QTMAN: variants seen among roughly 807,000 people sequenced by gnomAD.
QTMAN encodes the protein queuosine-tRNA mannosyltransferase.
chr2:144,165,189 A>AT, the QTMAN span, among the ~76,000 whole-genome samples: 1 of 151,894 alleles, frequency 6.6e-6, no homozygotes, highest in Non-Finnish European at 1.5e-5. Flanking sequence ...GGCCAACATG[A>AT]TGAAACACTA....
chr2:144,252,024 T>A, the QTMAN span, among the ~76,000 whole-genome samples: 1 of 151,546 alleles, frequency 6.6e-6, no homozygotes, highest in Non-Finnish European at 1.5e-5. Context: ...AGTGAGAACC[T>A]GCCTCTATGT....
chr2:144,314,443 T>A, the QTMAN span, among the ~76,000 whole-genome samples: 1 of 152,208 alleles, frequency 6.6e-6, no homozygotes, highest in African/African-American at 2.4e-5. Context: ...CCAGACGCAG[T>A]GGCTGAAGCC....
chr2:143,964,002 T>C, the QTMAN span: 4 of 152,126 alleles, frequency 2.6e-5, no homozygotes, highest in Non-Finnish European at 1.5e-5. Context: ...CTAATATGCG[T>C]CATTTCCTCA....
the QTMAN span, among the ~76,000 whole-genome samples, chr2:144,322,575 ATGT>A: frequency 6.6e-6 from 1 of 152,170 alleles, no homozygotes; most frequent in South Asian, 2.1e-4. Context: ...CTGTTGTGCT[ATGT>A]TGTTTTGATT....
chr2:144,104,976 T>G, the QTMAN span, among the ~76,000 whole-genome samples: 1 of 152,214 alleles, frequency 6.6e-6, no homozygotes, highest in African/African-American at 2.4e-5. Context: ...CAGCCTCCAC[T>G]GCTGATACCA....
chr2:144,150,023 TA>T, the QTMAN span, among the ~76,000 whole-genome samples: 2 of 152,024 alleles, frequency 1.3e-5, no homozygotes, highest in Non-Finnish European at 2.9e-5. Context: ...TACATTTTAG[TA>T]ATGATTCTTC....
the QTMAN span, among the ~76,000 whole-genome samples, chr2:144,004,813 C>CATTT: frequency 6.6e-6 from 1 of 151,986 alleles, no homozygotes; most frequent in Admixed American, 6.6e-5. Context: ...TATTGCCAGT[C>CATTT]ATTTATCTGT....
At chr2:144,033,969 G>A in the QTMAN span, among the ~76,000 whole-genome samples, 5 of 152,312 alleles carry the variant, frequency 3.3e-5, no homozygotes, top group South Asian at 1.0e-3. Flanking sequence ...TGGGATGAGT[G>A]GATGCAGCAA....
At chr2:143,947,400 G>T in the QTMAN span, among the ~76,000 whole-genome samples, 1 of 151,882 alleles carries the variant, frequency 6.6e-6, no homozygotes, top group Non-Finnish European at 1.5e-5. Context: ...CATATTTCTT[G>T]GTTTATGTTA....
chr2:144,167,692 T>A, the QTMAN span, among the ~76,000 whole-genome samples: 2 of 152,104 alleles, frequency 1.3e-5, no homozygotes, highest in Non-Finnish European at 2.9e-5. Context: ...AATTGTAAGT[T>A]TCCTGAGGTC....
the QTMAN span, among the ~76,000 whole-genome samples, chr2:144,174,196 G>A: frequency 1.3e-5 from 2 of 152,036 alleles, no homozygotes; most frequent in Non-Finnish European, 2.9e-5. Context: ...TTCTCTCTTG[G>A]AGCAGCTTTC....
the QTMAN span, among the ~76,000 whole-genome samples, chr2:144,025,096 G>A: frequency 1.3e-5 from 2 of 152,174 alleles, no homozygotes; most frequent in Admixed American, 1.3e-4. Flanking sequence ...AAACAGAGGT[G>A]CTAGGCACAC....
At chr2:144,208,721 G>A in the QTMAN span, 1 of 1,613,842 alleles carries the variant, frequency 6.2e-7, no homozygotes, top group Non-Finnish European at 8.5e-7. Flanking sequence ...TCTTCTTGAA[G>A]AAGATCCACC....
the QTMAN span, among the ~76,000 whole-genome samples, chr2:144,024,240 G>A: frequency 3.3e-5 from 5 of 152,210 alleles, no homozygotes; most frequent in Admixed American, 6.5e-5. Context: ...TATAGGACTC[G>A]AATTAAAACA....
At chr2:144,187,607 G>T in the QTMAN span, among the ~76,000 whole-genome samples, 3 of 152,106 alleles carry the variant, frequency 2.0e-5, no homozygotes, top group Non-Finnish European at 4.4e-5. Context: ...ATCTTACAGC[G>T]TCTTCTGGTT....
the QTMAN span, among the ~76,000 whole-genome samples, chr2:144,067,114 A>G: frequency 6.6e-6 from 1 of 152,164 alleles, no homozygotes; most frequent in South Asian, 2.1e-4. Flanking sequence ...ATGTCTCACA[A>G]CCTCTTGATG....
the QTMAN span, among the ~76,000 whole-genome samples, chr2:144,054,818 T>C: frequency 6.6e-6 from 1 of 152,204 alleles, no homozygotes; most frequent in Non-Finnish European, 1.5e-5. Flanking sequence ...AATGCCTTTC[T>C]TTTCCCCTTC....
chr2:144,242,960 T>TAAAAAAAAAAAAAAA, the QTMAN span, among the ~76,000 whole-genome samples: 41 of 77,798 alleles, frequency 5.3e-4, 4 homozygotes, highest in African/African-American at 2.1e-3. Context: ...AGACTCTACT[T>TAAAAAAAAAAAAAAA]AAAAAAAAAA....
the QTMAN span, among the ~76,000 whole-genome samples, chr2:144,173,429 T>C: frequency 1.3e-5 from 2 of 152,192 alleles, no homozygotes; most frequent in African/African-American, 2.4e-5. Flanking sequence ...GGCAGACATA[T>C]TGGAAAGGTT....
Sources: gnomAD v4.1 joint callset for allele counts (sites outside exome capture counted in the v4.1 genomes callset) on GRCh38, gnomAD v4.1.1 for gene constraint, MANE v1.5 for transcripts, NCBI Gene and HGNC (gene_info 2026-07-23, HGNC 2026-07-21) for gene names.